Variants in SDF4 observed in about 807,000 individuals in gnomAD.
SDF4 encodes the protein stromal cell derived factor 4.
In SDF4, 22 loss-of-function variants were observed where a neutral mutation model predicts 34.2. The ratio of observed to expected loss-of-function variants is 0.64; its 90% CI spans 0.46 to 0.92. The LOEUF (loss-of-function observed/expected upper bound fraction) is 0.92, where lower values mean the gene tolerates loss of function less well. SDF4 is among the 40% of genes least tolerant of loss of function. SDF4 has a pLI of 0.00. For synonymous variants in SDF4, 236 were observed against 203.1 expected (o/e 1.16, Z -1.38); for missense variants, 447 against 499.9 (o/e 0.89, Z 1.01).
chr1:1,226,507 G>C (rs750741430), intron 2 of SDF4, among the ~76,000 whole-genome samples: 14 of 152,252 alleles, frequency 9.2e-5, no homozygotes, highest in Non-Finnish European at 1.9e-4. Context: ...AAACGGGAGA[G>C]TCTGAGACAC....
intron 4 of SDF4, chr1:1,220,429 G>T (rs1428660782): frequency 8.5e-7 from 1 of 1,180,794 alleles, no homozygotes; most frequent in African/African-American, 1.6e-5. Context: ...AGCCATGCAG[G>T]GAGGGGTGGG....
At chr1:1,219,712 C>G in intron 4 of SDF4, 1 of 986,144 alleles carries the variant, frequency 1.0e-6, no homozygotes, top group Non-Finnish European at 1.2e-6. Flanking sequence ...CCCAAGCCAC[C>G]CTGGGTCTCC....
In SDF4 at chr1:1,217,509, C is replaced by G. The variant is rs755727430; in HGVS notation, c.*3G>C. The G allele has an allele frequency of 6.3e-7, 1 of 1,576,270 alleles. No individual in the cohort carries two copies. The highest frequency in any genetic ancestry group is 8.6e-7 in the Non-Finnish European group (1 of 1,160,466). On this transcript the variant is annotated 3_prime_UTR_variant, in exon 7 of 7. Transcript: ENST00000360001. The surrounding 1 kb of genome is among the most constrained non-coding windows in gnomAD (Gnocchi z 8.5). The stretch of plus-strand genomic sequence containing the variant: ...GGGGGCGGCGCGGGGCGCGGCCGGG[C>G]GCTCAAAACTCCTCGTGCACGCTGC...
chr1:1,225,743 TCCACATGCCACAGACAC>T (rs1638284938), intron 2 of SDF4, among the ~76,000 whole-genome samples: 1 of 116,924 alleles, frequency 8.6e-6, no homozygotes, highest in African/African-American at 3.6e-5. Flanking sequence ...GGCCACACAC[TCCACATGCCACAGACAC>T]GGGCCACACA....
intron 3 of SDF4, 21 bp downstream of exon 3, chr1:1,223,810 CA>C: frequency 1.9e-6 from 2 of 1,048,318 alleles, no homozygotes; most frequent in South Asian, 1.4e-5. Context: ...CCGCCCCACC[CA>C]CCCCGGCCCA....
intron 1 of SDF4, among the ~76,000 whole-genome samples, chr1:1,229,148 T>A (rs4970428): frequency 6.6e-6 from 1 of 151,750 alleles, no homozygotes; most frequent in Non-Finnish European, 1.5e-5. Context: ...TTGTTTTCTC[T>A]GGACCACACG....
At position 1,228,472 on chromosome 1, in the gene SDF4, A is replaced by T. The variant is rs1158661182; in HGVS notation, c.301T>A (p.Ser101Thr). ...RSRRKLMVIF[S>T]KVDVNTDRKI... ...TGGGCACATGGCGGCACCTACTTGG[A>T]AAAGATGACCATCAGCTTCCTCCGG... Residue 101 changes from serine to threonine, a missense_variant, in exon 2 of 7, where the codon TCC becomes ACC. Physicochemically the swap from Ser to Thr is moderately conservative, Grantham distance 58. Transcript: ENST00000360001. 2 of 1,601,572 alleles carry T rather than the reference A, an allele frequency of 1.2e-6. No homozygotes were observed. Among genetic ancestry groups the T allele is most frequent in the Admixed American group, 3.4e-5 (2 of 59,518 alleles).
At chr1:1,220,816 G>T in intron 4 of SDF4, 1 of 1,206,234 alleles carries the variant, frequency 8.3e-7, no homozygotes, top group Admixed American at 2.3e-5. Context: ...AAGGCCTCCT[G>T]CCCCAAGCAC....
At position 1,218,618 on chromosome 1, in the gene SDF4, T is replaced by C; in HGVS notation, c.731A>G (p.Lys244Arg). 2 of 1,613,922 alleles carry C rather than the reference T, an allele frequency of 1.2e-6. No homozygotes were observed. Among genetic ancestry groups the C allele is most frequent in the Non-Finnish European group, 1.7e-6 (2 of 1,179,930 alleles). Residue 244 changes from lysine to arginine, a missense_variant, in exon 6 of 7, where the codon AAG becomes AGG. Lys to Arg is a conservative substitution (Grantham distance 26). Coordinates refer to ENST00000360001, the MANE Select transcript of SDF4 (RefSeq NM_016176.6). This position sits in a 1 kb window ranked among gnomAD's most constrained non-coding sequence, Gnocchi z 7.9. Reference protein sequence around the residue: ...IVRDLDQDGDKQLSVPEFISL... With the variant: ...IVRDLDQDGDRQLSVPEFISL... The stretch of plus-strand genomic sequence containing the variant: ...GATGAACTCGGGCACAGAGAGCTGC[T>C]TGTCACCGTCCTGGTCTGCGAGACG...
chr1:1,226,444 G>A (rs1174746351), intron 2 of SDF4, among the ~76,000 whole-genome samples: 1 of 152,172 alleles, frequency 6.6e-6, no homozygotes, highest in African/African-American at 2.4e-5. Context: ...CAAACTGAGG[G>A]ACAGCCTAAA....
intron 4 of SDF4, chr1:1,220,694 A>G (rs1649893791): frequency 2.3e-6 from 3 of 1,289,222 alleles, no homozygotes; most frequent in Admixed American, 4.6e-5. Context: ...GGCTTCACAG[A>G]AATGTCACAG....
At chr1:1,223,809 C>T in intron 3 of SDF4, 23 bp downstream of exon 3, 1 of 1,003,806 alleles carries the variant, frequency 1.0e-6, no homozygotes, top group Non-Finnish European at 1.5e-6. Context: ...ACCGCCCCAC[C>T]CACCCCGGCC....
intron 2 of SDF4, among the ~76,000 whole-genome samples, chr1:1,224,217 G>A (rs1360414112): frequency 1.3e-5 from 2 of 152,156 alleles, no homozygotes; most frequent in African/African-American, 2.4e-5. Flanking sequence ...CTCCCCCTCT[G>A]TCACACAGAA....
intron 4 of SDF4, chr1:1,220,684 G>C: frequency 7.8e-7 from 1 of 1,289,220 alleles, no homozygotes; most frequent in Non-Finnish European, 1.0e-6. Context: ...GGTAGACGGA[G>C]GCTTCACAGA....
chr1:1,227,627 TG>T (rs1331523484), intron 2 of SDF4, among the ~76,000 whole-genome samples: 1 of 152,160 alleles, frequency 6.6e-6, no homozygotes, highest in Admixed American at 6.5e-5. Context: ...GCCCTGACCC[TG>T]CTCTGCCTCC....
intron 3 of SDF4, 46 bp downstream of exon 3, chr1:1,223,786 G>GGGCCCCCCCCCCCC: frequency 1.7e-6 from 1 of 585,242 alleles, no homozygotes; most frequent in Non-Finnish European, 2.9e-6. Flanking sequence ...CCATGGCCCT[G>GGGCCCCCCCCCCCC]CCCGCCCCGC....
At chr1:1,223,110 C>T (rs903387496) in intron 4 of SDF4, 134 bp downstream of exon 4, 13 of 673,056 alleles carry the variant, frequency 1.9e-5, no homozygotes, top group East Asian at 1.3e-4. Context: ...ACACACGGCA[C>T]GCACACACGT....
At chr1:1,230,970 T>G (rs1259610543) in intron 1 of SDF4, among the ~76,000 whole-genome samples, 1 of 152,218 alleles carries the variant, frequency 6.6e-6, no homozygotes, top group Non-Finnish European at 1.5e-5. Flanking sequence ...TAGTTCTTGA[T>G]TCTACATATC....
intron 2 of SDF4, 80 bp from the exon 3 acceptor site, chr1:1,224,048 A>G: frequency 6.3e-7 from 1 of 1,582,358 alleles, no homozygotes; most frequent in Non-Finnish European, 8.6e-7. Context: ...CCGCCGGCCC[A>G]GGACTCCATG....
Sources: allele counts gnomAD v4.1 joint callset (sites outside exome capture counted in the v4.1 genomes callset), GRCh38; gene constraint gnomAD v4.1.1; non-coding constraint Gnocchi (gnomAD v3.1); transcripts MANE v1.5; gene names NCBI Gene and HGNC (gene_info 2026-07-23, HGNC 2026-07-21).